The following PLEKHG3 variants were observed in gnomAD, a reference collection of about 807,000 sequenced individuals.
PLEKHG3 encodes the protein pleckstrin homology and RhoGEF domain containing G3, also known as pleckstrin homology domain-containing family G member 3.
A neutral mutation model predicts 94.9 loss-of-function variants in PLEKHG3; 62 were observed. The observed-to-expected ratio is 0.65, with a 90% CI of 0.53 to 0.81. The LOEUF (loss-of-function observed/expected upper bound fraction) is 0.81. PLEKHG3 is among the 30% of genes least tolerant of loss of function. PLEKHG3 has a pLI of 0.00. For missense variants in PLEKHG3, 1,461 were observed against 1,619.3 expected, an observed-to-expected ratio of 0.90 and a Z score of 1.68; for synonymous variants, 614 against 654.0, an observed-to-expected ratio of 0.94 and a Z score of 0.93.
Position 64,732,969 on chromosome 14 carries a change from C to A in PLEKHG3, c.1345+68C>A. The A allele has an allele frequency of 1.0e-6, 1 of 998,380 alleles. No homozygotes were observed. The highest frequency in any genetic ancestry group is 1.6e-6 in the Non-Finnish European group (1 of 644,738). 61.8% of individuals were successfully genotyped at this position (998,380 alleles called of 1,614,324 possible). On this transcript the variant is annotated intron_variant, in intron 12 of 16. Coordinates refer to ENST00000247226, the MANE Select transcript of PLEKHG3 (RefSeq NM_001308147.2). The surrounding 1 kb of genome is among the most constrained non-coding windows in gnomAD (Gnocchi z 4.9). ...CCTTGCCCAGACTGGGGACCGTCTG[C>A]GGCAGTGTCCAGGGCTGTGGCTCTC...
rs2081124270 is a variant in PLEKHG3, at chr14:64,715,415, T to C, written c.-40+10711T>C. ...GTACCAGAGTGTTGTGAGGAGATTA[T>C]ATAGAGAATGTGTTTTGCCTTATGT... On this transcript the variant is annotated intron_variant, in intron 1 of 16. Coordinates refer to ENST00000247226, the MANE Select transcript of PLEKHG3 (RefSeq NM_001308147.2). The surrounding 1 kb of genome is among the most constrained non-coding windows in gnomAD (Gnocchi z 4.4). Among the ~76,000 whole-genome samples the C allele has an allele frequency of 6.6e-6, 1 of 152,108 alleles. No individual in the cohort carries two copies. The highest frequency in any genetic ancestry group is 1.5e-5 in the Non-Finnish European group (1 of 68,030).
intron 1 of PLEKHG3, among the ~76,000 whole-genome samples, chr14:64,706,520 G>A (rs1358826588): frequency 6.6e-6 from 1 of 152,224 alleles, no homozygotes; most frequent in Non-Finnish European, 1.5e-5. Context: ...TGTGGAAAGT[G>A]CTCCATAAAC....
chr14:64,723,173 T>A lies in PLEKHG3; in HGVS notation c.-39-4420T>A, dbSNP rs1378043353. Among the ~76,000 whole-genome samples the A allele has an allele frequency of 2.1e-5, 3 of 145,602 alleles. No individual in the cohort carries two copies. Among genetic ancestry groups the A allele is most frequent in the Admixed American group, 6.8e-5 (1 of 14,748 alleles). On this transcript the variant is annotated intron_variant, in intron 1 of 16. Coordinates refer to ENST00000247226, the MANE Select transcript of PLEKHG3 (RefSeq NM_001308147.2). This position sits in a 1 kb window ranked among gnomAD's most constrained non-coding sequence, Gnocchi z 4.5. ...TGGGTGGAGGAAGGGTGTGGTGTGG[T>A]TTAGGCTTAAATTTAAAGAAAAAGA...
chr14:64,709,341 A>G (rs552305272), intron 1 of PLEKHG3, among the ~76,000 whole-genome samples: 2 of 152,312 alleles, frequency 1.3e-5, no homozygotes, highest in Non-Finnish European at 2.9e-5. Flanking sequence ...GGCTGTTGCC[A>G]TCTGGGAATG....
At position 64,723,247 on chromosome 14, in the gene PLEKHG3, T is replaced by C. The variant is rs2081295591; in HGVS notation, c.-39-4346T>C. Among the ~76,000 whole-genome samples the C allele has an allele frequency of 6.6e-6, 1 of 151,952 alleles. No homozygotes were observed. The highest frequency in any genetic ancestry group is 1.5e-5 in the Non-Finnish European group (1 of 67,972). Reference sequence around the variant, plus strand: ...TCTTCTGCCCCTGGATCCTTAAAGGTGTATGTCTGAGCTGCTGCTTAGGCC... The same window carrying C: ...TCTTCTGCCCCTGGATCCTTAAAGGCGTATGTCTGAGCTGCTGCTTAGGCC... On this transcript the variant is annotated intron_variant, in intron 1 of 16. Coordinates refer to ENST00000247226, the MANE Select transcript of PLEKHG3 (RefSeq NM_001308147.2). The surrounding 1 kb of genome is among the most constrained non-coding windows in gnomAD (Gnocchi z 4.5).
intron 1 of PLEKHG3, among the ~76,000 whole-genome samples, chr14:64,707,906 G>A (rs1393753003): frequency 1.3e-5 from 2 of 152,152 alleles, no homozygotes; most frequent in African/African-American, 2.4e-5. Context: ...TACCACATGC[G>A]GCATCATGGC....
In PLEKHG3 at chr14:64,738,747, G is replaced by C. The variant is rs72724477; in HGVS notation, c.1410G>C (p.Lys470Asn). Residue 470 changes from lysine (K) to asparagine (N), a missense_variant, in exon 15 of 17, where the codon AAG becomes AAC. Physicochemically the swap from Lys to Asn is moderately conservative, Grantham distance 94. Coordinates refer to ENST00000247226, the MANE Select transcript of PLEKHG3 (RefSeq NM_001308147.2). The surrounding 1 kb of genome is among the most constrained non-coding windows in gnomAD (Gnocchi z 4.8). ...EKARAAGMKG[K>N]GRRESESSRS... ...ACTGACCTCTACCTCTGCAGGGAAAGGGGCGCAGGGAGTCTGAAAGCTCCA... is the reference window on the plus strand; with the variant it reads ...ACTGACCTCTACCTCTGCAGGGAAACGGGCGCAGGGAGTCTGAAAGCTCCA... 12,407 of 1,580,100 alleles carry C rather than the reference G, an allele frequency of 7.9e-3. 87 individuals are homozygous for C. Among genetic ancestry groups the C allele is most frequent in the Admixed American group, 0.014 (801 of 55,668 alleles).
At chr14:64,737,563 C>G (rs2081595889) in intron 14 of PLEKHG3, among the ~76,000 whole-genome samples, 188 bp downstream of exon 14, 1 of 152,236 alleles carries the variant, frequency 6.6e-6, no homozygotes, top group Non-Finnish European at 1.5e-5. Context: ...CCCTGGGGGC[C>G]CTTCTGCACC....
At chr14:64,724,029 T>G (rs901299667) in intron 1 of PLEKHG3, 1 of 152,096 alleles carries the variant, frequency 6.6e-6, no homozygotes, top group Non-Finnish European at 1.5e-5. Context: ...TCTTCCGAGA[T>G]GTGTTTGAAG....
Position 64,726,746 on chromosome 14 carries a change from A to G in PLEKHG3, c.-39-847A>G, listed in dbSNP as rs1189148192. Among the ~76,000 whole-genome samples, 2 of 152,140 alleles carry G rather than the reference A, an allele frequency of 1.3e-5. No homozygotes were observed. The highest frequency in any genetic ancestry group is 2.9e-5 in the Non-Finnish European group (2 of 68,014). On this transcript the variant is annotated intron_variant, in intron 1 of 16. Transcript: ENST00000247226. This position sits in a 1 kb window ranked among gnomAD's most constrained non-coding sequence, Gnocchi z 5.1. ...CCTGGGGAATTTCCTGGGGCCTGGG[A>G]TGAGTCAGAGGCAGCCTGTACCAGG...
chr14:64,713,901 T>C (rs1453699729), intron 1 of PLEKHG3, among the ~76,000 whole-genome samples: 3 of 152,228 alleles, frequency 2.0e-5, no homozygotes, highest in Admixed American at 6.5e-5. Context: ...TTTAATTTTC[T>C]ATTTAACTAT....
At chr14:64,742,642 C>T (rs561448828) in intron 16 of PLEKHG3, among the ~76,000 whole-genome samples, 187 bp downstream of exon 16, 2 of 152,358 alleles carry the variant, frequency 1.3e-5, no homozygotes, top group Non-Finnish European at 2.9e-5. Context: ...GCCAAGCTTG[C>T]TCTCTTGGTT....
intron 12 of PLEKHG3, among the ~76,000 whole-genome samples, chr14:64,734,837 C>T (rs2081540896): frequency 6.6e-6 from 1 of 151,944 alleles, no homozygotes; most frequent in African/African-American, 2.4e-5. Flanking sequence ...TCTCCTGCCT[C>T]AGCCGCCCGA....
intron 1 of PLEKHG3, among the ~76,000 whole-genome samples, chr14:64,708,471 C>T (rs1051217403): frequency 1.3e-5 from 2 of 152,118 alleles, no homozygotes; most frequent in African/African-American, 4.8e-5. Context: ...CCTAGGAAAG[C>T]CCAGAAGGGT....
At position 64,744,753 on chromosome 14, in the gene PLEKHG3, A is replaced by G. The variant is rs568832062; in HGVS notation, c.*1050A>G. The G allele has an allele frequency of 6.7e-6, 1 of 149,624 alleles. No individual in the cohort carries two copies. Among genetic ancestry groups the G allele is most frequent in the South Asian group, 2.1e-4 (1 of 4,754 alleles). 9.3% of individuals were successfully genotyped at this position (149,624 alleles called of 1,614,324 possible). On this transcript the variant is annotated 3_prime_UTR_variant, in exon 17 of 17. Transcript: ENST00000247226. ...TGCGTTTCTCTCCGGTCCCCAGGAA[A>G]CATCCTAGAAGACAAGGATTTTTTT...
At position 64,723,502 on chromosome 14, in the gene PLEKHG3, CTTT is replaced by C. The variant is rs1464598438; in HGVS notation, c.-39-4087_-39-4085del. On this transcript the variant is annotated intron_variant, in intron 1 of 16. Transcript: ENST00000247226. This position sits in a 1 kb window ranked among gnomAD's most constrained non-coding sequence, Gnocchi z 4.5. ...AGTATAGGACTTGAGAAAGAGTTTT[CTTT>C]TTTCTTTTTTTTTGAGATGGAGTCT... Among the ~76,000 whole-genome samples the C allele has an allele frequency of 6.8e-6, 1 of 146,226 alleles. No homozygotes were observed. Among genetic ancestry groups the C allele is most frequent in the Non-Finnish European group, 1.5e-5 (1 of 66,130 alleles).
Position 64,731,735 on chromosome 14 carries a change from G to A in PLEKHG3, c.1054G>A (p.Glu352Lys), listed in dbSNP as rs2081471029. 1.1e-5 allele frequency: 17 copies of A among 1,613,054 alleles called. No homozygotes were observed. The highest frequency in any genetic ancestry group is 2.2e-5 in the East Asian group (1 of 44,860). ...CTAGTGCTCCTCCCTGATGCTGATC[G>A]AAAGCACCAGAGACTCCCTGTGCTT... is the stretch of plus-strand genomic sequence containing the variant. Reference protein sequence around the residue: ...NIPCSSLMLIESTRDSLCFTV... With the variant: ...NIPCSSLMLIKSTRDSLCFTV... Residue 352 changes from glutamate to lysine, a missense_variant, in exon 9 of 17, where the codon GAA (glutamate) becomes AAA (lysine). By Grantham distance (56) the Glu-to-Lys change is moderately conservative. Around this residue, in one of 3 missense-constraint regions of PLEKHG3, gnomAD observed 1,201 missense variants for 1,295.5 expected, o/e 0.93. Transcript: ENST00000247226. The surrounding 1 kb of genome is among the most constrained non-coding windows in gnomAD (Gnocchi z 6.1).
rs2081774371 is a variant in PLEKHG3 at position 64,743,871 on chromosome 14, T to C, written c.*168T>C. On this transcript the variant is annotated 3_prime_UTR_variant, in exon 17 of 17. Coordinates refer to ENST00000247226, the MANE Select transcript of PLEKHG3 (RefSeq NM_001308147.2). This position sits in a 1 kb window ranked among gnomAD's most constrained non-coding sequence, Gnocchi z 7.2. The stretch of plus-strand genomic sequence containing the variant: ...GATGCTCCCGTGTGCAGGGGTCTCC[T>C]GCCTGTGCCATCCACTGGGGCTCGA... 29 of 653,814 alleles carry C rather than the reference T, an allele frequency of 4.4e-5. No individual in the cohort carries two copies. The highest frequency in any genetic ancestry group is 6.1e-5 in the Non-Finnish European group (25 of 409,888). 40.5% of individuals were successfully genotyped at this position (653,814 alleles called of 1,614,324 possible).
chr14:64,731,017 A>C lies in PLEKHG3; in HGVS notation c.718-21A>C. 1 of 1,613,966 alleles carries C rather than the reference A, an allele frequency of 6.2e-7. No homozygotes were observed. Among genetic ancestry groups the C allele is most frequent in the South Asian group, 1.1e-5 (1 of 91,078 alleles). On this transcript the variant is annotated intron_variant, in intron 6 of 16. Coordinates refer to ENST00000247226, the MANE Select transcript of PLEKHG3 (RefSeq NM_001308147.2). The surrounding 1 kb of genome is among the most constrained non-coding windows in gnomAD (Gnocchi z 6.1). ...CAGGGCCTTCGGGTCAGGGGCACCT[A>C]AGCGTCTATCTTCTGCGCAGGAAAT...
Sources: gnomAD v4.1 joint callset for allele counts (sites outside exome capture counted in the v4.1 genomes callset) on GRCh38, gnomAD v4.1.1 for gene constraint, gnomAD v4.1.1 regional missense constraint, Gnocchi (gnomAD v3.1) non-coding constraint, MANE v1.5 for transcripts, NCBI Gene and HGNC (gene_info 2026-07-23, HGNC 2026-07-21) for gene names.